The following RALGPS2 variants were observed in gnomAD, a reference collection of about 807,000 sequenced individuals.
RALGPS2 encodes the protein Ral GEF with PH domain and SH3 binding motif 2.
A neutral mutation model predicts 86.8 loss-of-function variants in RALGPS2; 43 were observed. The observed-to-expected ratio is 0.50, with a 90% CI of 0.39 to 0.64. RALGPS2 has a LOEUF of 0.64. RALGPS2 is among the 30% of genes least tolerant of loss of function. RALGPS2 has a pLI of 0.00. For missense variants in RALGPS2, 536 were observed against 694.6 expected (o/e 0.77, Z 2.57); for synonymous variants, 243 against 231.3 (o/e 1.05, Z -0.46).
chr1:178,808,354 C>G (rs1418317816), intron 5 of RALGPS2, among the ~76,000 whole-genome samples: 1 of 152,064 alleles, frequency 6.6e-6, no homozygotes, highest in Non-Finnish European at 1.5e-5. Flanking sequence ...CATATTTTCT[C>G]TCTGTTTTTG....
intron 6 of RALGPS2, among the ~76,000 whole-genome samples, chr1:178,819,252 G>C (rs558767375): frequency 6.6e-6 from 1 of 152,032 alleles, no homozygotes; most frequent in Non-Finnish European, 1.5e-5. Context: ...CTCAGCCGCC[G>C]GAAGTGCTGG....
chr1:178,806,922 C>T (rs1251226242), intron 4 of RALGPS2, among the ~76,000 whole-genome samples: 1 of 152,136 alleles, frequency 6.6e-6, no homozygotes, highest in Non-Finnish European at 1.5e-5. Context: ...GCTAACCCTT[C>T]TTTAAAAGGA....
At position 178,852,690 on chromosome 1, in the gene RALGPS2, C is replaced by A. The variant is rs749799101; in HGVS notation, c.607+19140C>A. On this transcript the variant is annotated intron_variant, in intron 8 of 19. Transcript: ENST00000367635. ...AAAGTTTTTCATACTTACCTGCATACATATCTTTATCTCTGTCCAGTGTGG... is the reference window on the plus strand; with the variant it reads ...AAAGTTTTTCATACTTACCTGCATAAATATCTTTATCTCTGTCCAGTGTGG... The A allele has an allele frequency of 3.7e-6, 6 of 1,611,920 alleles. No individual in the cohort carries two copies. The African/African-American group carries it at 8.0e-5, about 22-fold the overall frequency.
chr1:178,795,600 G>A (rs1445277705), intron 4 of RALGPS2, among the ~76,000 whole-genome samples: 4 of 151,948 alleles, frequency 2.6e-5, no homozygotes, highest in African/African-American at 4.8e-5. Context: ...TTTTAGTAGA[G>A]ATGGGGTTTC....
At chr1:178,737,772 A>G (rs1280478262) in intron 1 of RALGPS2, among the ~76,000 whole-genome samples, 3 of 152,118 alleles carry the variant, frequency 2.0e-5, no homozygotes, top group Non-Finnish European at 4.4e-5. Flanking sequence ...AAGTTAAATG[A>G]CATTAATGAT....
At chr1:178,725,935 G>C (rs10798631) in intron 1 of RALGPS2, 1 of 151,928 alleles carries the variant, frequency 6.6e-6, no homozygotes, top group African/African-American at 2.4e-5. Context: ...AACCCGCGGA[G>C]TCGCGGTCAG....
In RALGPS2 at chr1:178,826,856, A is replaced by G. The variant is rs192938744; in HGVS notation, c.480+5152A>G. Among the ~76,000 whole-genome samples the G allele has an allele frequency of 7.2e-5, 11 of 152,312 alleles. No homozygotes were observed. The East Asian group carries it at 1.3e-3, about 19-fold the overall frequency. ...AAGTGGAATAAAATGTGTAAGACCT[A>G]TATGCAGAAAGTTATAAAACTTTAC... On this transcript the variant is annotated intron_variant, in intron 7 of 19. Transcript: ENST00000367635.
chr1:178,839,472 T>A (rs1656466086), intron 8 of RALGPS2, among the ~76,000 whole-genome samples: 1 of 152,174 alleles, frequency 6.6e-6, no homozygotes, highest in Admixed American at 6.5e-5. Flanking sequence ...TGAGATATTT[T>A]GTCACCACCA....
intron 1 of RALGPS2, among the ~76,000 whole-genome samples, chr1:178,736,296 A>G (rs10737334): frequency 0.89 from 134,405 of 151,494 alleles, 59,856 homozygotes; most frequent in African/African-American, 0.97. Flanking sequence ...CAAGTAGCTG[A>G]GATTACAGGT....
intron 13 of RALGPS2, among the ~76,000 whole-genome samples, chr1:178,887,476 A>T (rs1446573096): frequency 1.3e-5 from 2 of 152,230 alleles, no homozygotes; most frequent in South Asian, 2.1e-4. Context: ...GAAATTGTTC[A>T]TATAATAGCT....
chr1:178,879,611 A>C (rs1354556324), intron 10 of RALGPS2: 2 of 152,098 alleles, frequency 1.3e-5, no homozygotes, highest in Non-Finnish European at 2.9e-5. Context: ...TGACCAATAT[A>C]GTGAAACACT....
At chr1:178,883,267 G>A (rs1348351843) in intron 10 of RALGPS2, among the ~76,000 whole-genome samples, 199 bp from the exon 11 acceptor site, 2 of 151,542 alleles carry the variant, frequency 1.3e-5, no homozygotes, top group Non-Finnish European at 2.9e-5. Context: ...TGGAAGGATC[G>A]CTTGAGCCCA....
chr1:178,743,641 T>C (rs894975696), intron 1 of RALGPS2, among the ~76,000 whole-genome samples: 2 of 152,180 alleles, frequency 1.3e-5, no homozygotes, highest in Admixed American at 6.5e-5. Context: ...ACTGTGCTGA[T>C]TGAGATCAGG....
intron 11 of RALGPS2, among the ~76,000 whole-genome samples, chr1:178,884,069 A>G (rs1659375434): frequency 6.6e-6 from 1 of 152,204 alleles, no homozygotes; most frequent in Non-Finnish European, 1.5e-5. Context: ...GATAGATGCA[A>G]CAGATGGAAA....
At chr1:178,844,246 T>G (rs1191032834) in intron 8 of RALGPS2, among the ~76,000 whole-genome samples, 1 of 152,174 alleles carries the variant, frequency 6.6e-6, no homozygotes, top group Non-Finnish European at 1.5e-5. Context: ...CCATGAAATA[T>G]CTATAGTGCA....
chr1:178,786,074 G>A (rs186401400), intron 4 of RALGPS2, among the ~76,000 whole-genome samples: 6 of 152,146 alleles, frequency 3.9e-5, no homozygotes, highest in Non-Finnish European at 7.4e-5. Context: ...CAGGGGAAGC[G>A]GATCATCATA....
Position 178,883,541 on chromosome 1 carries a change from C to A in RALGPS2, c.904+8C>A. ...CCAGAGAAGATTTAGTAGGTCAGTA[C>A]GTAGTTTTCTCTTGTTACCAAATCT... On this transcript the variant is annotated splice_region_variant and intron_variant, in intron 11 of 19. Coordinates refer to ENST00000367635, the MANE Select transcript of RALGPS2 (RefSeq NM_152663.5). The A allele has an allele frequency of 1.2e-6, 2 of 1,602,188 alleles. No homozygotes were observed. The highest frequency in any genetic ancestry group is 1.1e-5 in the South Asian group (1 of 90,786).
chr1:178,784,051 T>C (rs1333932916), intron 2 of RALGPS2, among the ~76,000 whole-genome samples: 3 of 152,156 alleles, frequency 2.0e-5, no homozygotes. Context: ...TAATAAAAAT[T>C]AGTTTAAAAA....
chr1:178,915,246 T>A (rs78187987), intron 19 of RALGPS2, among the ~76,000 whole-genome samples: 2 of 152,210 alleles, frequency 1.3e-5, no homozygotes, highest in African/African-American at 4.8e-5. Flanking sequence ...TCTTTTTTTT[T>A]CTTTGAGACA....
Sources: allele counts gnomAD v4.1 joint callset (sites outside exome capture counted in the v4.1 genomes callset), GRCh38; gene constraint gnomAD v4.1.1; transcripts MANE v1.5; gene names NCBI Gene and HGNC (gene_info 2026-07-23, HGNC 2026-07-21).